PTPRK: variants seen among roughly 807,000 people sequenced by gnomAD.
PTPRK encodes protein tyrosine phosphatase receptor type K.
PTPRK carries 75 observed loss-of-function variants against 178.0 expected under a neutral mutation model. The observed-to-expected ratio is 0.42, with a 90% CI of 0.35 to 0.51. PTPRK has a LOEUF of 0.51. Ranked by LOEUF, PTPRK falls within the 20% of genes least tolerant of loss-of-function variation. The pLI is 0.02. For synonymous variants in PTPRK, 637 were observed against 620.6 expected (o/e 1.03, Z -0.39); for missense variants, 1,441 against 1,797.8 (o/e 0.80, Z 3.59).
chr6:128,520,217 A>G, intron 1 of PTPRK, 42 bp downstream of exon 1: 1 of 1,529,324 alleles, frequency 6.5e-7, no homozygotes, highest in Non-Finnish European at 8.9e-7. Flanking sequence ...TCGTGAGCCC[A>G]GGACTCCAGG....
intron 13 of PTPRK, among the ~76,000 whole-genome samples, chr6:128,058,191 G>A (rs1360010988): frequency 6.6e-6 from 1 of 152,136 alleles, no homozygotes; most frequent in East Asian, 1.9e-4. Flanking sequence ...CCCAGGAATG[G>A]AATTGTTGGG....
intron 2 of PTPRK, among the ~76,000 whole-genome samples, chr6:128,386,542 T>C (rs1838762703): frequency 6.6e-6 from 1 of 152,128 alleles, no homozygotes; most frequent in African/African-American, 2.4e-5. Flanking sequence ...CTAATGGAGA[T>C]GGTTATTTTG....
At chr6:128,224,339 C>T (rs1288766331) in intron 5 of PTPRK, among the ~76,000 whole-genome samples, 1 of 152,158 alleles carries the variant, frequency 6.6e-6, no homozygotes. Flanking sequence ...TCAATGTTAT[C>T]ACTCCTCTCC....
intron 7 of PTPRK, among the ~76,000 whole-genome samples, chr6:128,136,617 T>G (rs1199168209): frequency 6.6e-6 from 1 of 152,230 alleles, no homozygotes; most frequent in African/African-American, 2.4e-5. Flanking sequence ...TAGGTACCTG[T>G]CTGCAAAACA....
intron 2 of PTPRK, among the ~76,000 whole-genome samples, chr6:128,337,655 C>T (rs749612466): frequency 6.6e-6 from 1 of 152,178 alleles, no homozygotes; most frequent in Non-Finnish European, 1.5e-5. Flanking sequence ...CATTTCAGTA[C>T]TTTTCCTTCA....
intron 1 of PTPRK, among the ~76,000 whole-genome samples, chr6:128,508,291 C>T (rs1458298060): frequency 6.6e-6 from 1 of 152,094 alleles, no homozygotes; most frequent in Non-Finnish European, 1.5e-5. Flanking sequence ...CAAAACCTGG[C>T]ACAGCATGGG....
intron 13 of PTPRK, among the ~76,000 whole-genome samples, chr6:128,044,353 C>T (rs377504982): frequency 2.0e-5 from 3 of 152,128 alleles, no homozygotes; most frequent in African/African-American, 7.2e-5. Context: ...CTCCCTTAGT[C>T]TTAGCCACCA....
At chr6:128,214,544 C>CACTATTATTATTATT (rs1554349428) in intron 6 of PTPRK, among the ~76,000 whole-genome samples, 1 of 149,952 alleles carries the variant, frequency 6.7e-6, no homozygotes, top group East Asian at 2.0e-4. Context: ...ACCAGTGATG[C>CACTATTATTATTATT]ATTATTATTA....
intron 25 of PTPRK, 77 bp downstream of exon 25, chr6:127,981,039 A>G (rs1562376009): frequency 3.8e-6 from 5 of 1,310,128 alleles, no homozygotes; most frequent in Non-Finnish European, 4.1e-6. Context: ...TTCCTCGAAA[A>G]GAAAACTAGC....
In PTPRK at chr6:128,322,255, A is replaced by G. The variant is rs1452023556; in HGVS notation, c.279T>C (p.Leu93=). The change falls in exon 3 of 30, where the codon CTT becomes CTC. Residue 93 remains leucine, a synonymous_variant. Coordinates refer to ENST00000368226, the MANE Select transcript of PTPRK (RefSeq NM_002844.4). ...CGTTCTCCTTCATTGTAGGCAGCTG[A>G]AGTCTGGCTTTTTCTCCAGGGTCGT... is the stretch of plus-strand genomic sequence containing the variant. ...SDHDPGEKAR[L]QLPTMKENDT... is the part of the protein sequence containing the mutation. The G allele has an allele frequency of 1.9e-6, 3 of 1,611,464 alleles. No individual in the cohort carries two copies. Among genetic ancestry groups the G allele is most frequent in the Non-Finnish European group, 2.5e-6 (3 of 1,177,778 alleles).
Position 128,458,006 on chromosome 6 carries a change from C to T in PTPRK, c.101-60318G>A, listed in dbSNP as rs1403915567. 2.6e-5 allele frequency among the ~76,000 whole-genome samples: 4 copies of T among 152,220 alleles called. No individual in the cohort carries two copies. In the East Asian group the frequency reaches 7.7e-4, roughly 29 times the overall value. On this transcript the variant is annotated intron_variant, in intron 1 of 29. Transcript: ENST00000368226. ...TTTCCACATGTACTGCCCTCAAACA[C>T]CTTATACTGTCAAATATACAAATAG...
At chr6:128,285,688 C>T (rs1822383437) in intron 3 of PTPRK, among the ~76,000 whole-genome samples, 1 of 151,784 alleles carries the variant, frequency 6.6e-6, no homozygotes, top group African/African-American at 2.4e-5. Flanking sequence ...GCCTGCCGTC[C>T]CAGCTGCTTG....
At chr6:128,129,618 G>A (rs1166795303) in intron 7 of PTPRK, among the ~76,000 whole-genome samples, 2 of 152,098 alleles carry the variant, frequency 1.3e-5, no homozygotes, top group African/African-American at 2.4e-5. Context: ...TGAGATACAG[G>A]AGTCAAGCAA....
At position 128,327,783 on chromosome 6, in the gene PTPRK, G is replaced by T. The variant is rs78520463; in HGVS notation, c.224-5473C>A. Among the ~76,000 whole-genome samples the T allele has an allele frequency of 3.4e-3, 522 of 152,228 alleles. 2 individuals carry two copies. Among genetic ancestry groups the T allele is most frequent in the African/African-American group, 0.012 (498 of 41,534 alleles). On this transcript the variant is annotated intron_variant, in intron 2 of 29. Transcript: ENST00000368226. ...CCTATAAGAAGATAGAAACTTTAACGCTGTGAAGAAAACCTTAAAGAACAA... is the reference window on the plus strand; with the variant it reads ...CCTATAAGAAGATAGAAACTTTAACTCTGTGAAGAAAACCTTAAAGAACAA...
intron 2 of PTPRK, among the ~76,000 whole-genome samples, chr6:128,364,792 C>G (rs1287054938): frequency 6.6e-6 from 1 of 152,020 alleles, no homozygotes; most frequent in Non-Finnish European, 1.5e-5. Context: ...CACAACCTTT[C>G]TCCTGCACAC....
At chr6:128,348,893 C>G (rs923895823) in intron 2 of PTPRK, among the ~76,000 whole-genome samples, 2 of 151,828 alleles carry the variant, frequency 1.3e-5, no homozygotes, top group African/African-American at 4.8e-5. Flanking sequence ...ATGTAGGCAC[C>G]ACAGCATAGA....
At chr6:128,236,940 ATTGT>A (rs1281423299) in intron 5 of PTPRK, among the ~76,000 whole-genome samples, 1 of 150,710 alleles carries the variant, frequency 6.6e-6, no homozygotes, top group African/African-American at 2.4e-5. Flanking sequence ...CAGGCAATTC[ATTGT>A]TTGTGTTTTT....
At chr6:128,313,581 C>T (rs1258921951) in intron 3 of PTPRK, among the ~76,000 whole-genome samples, 1 of 151,952 alleles carries the variant, frequency 6.6e-6, no homozygotes, top group Admixed American at 6.6e-5. Flanking sequence ...TCAGGACATA[C>T]ATATATTACA....
chr6:128,503,957 C>T (rs576705293), intron 1 of PTPRK, among the ~76,000 whole-genome samples: 9 of 151,858 alleles, frequency 5.9e-5, no homozygotes, highest in African/African-American at 2.2e-4. Flanking sequence ...TGGAAATGCA[C>T]AAATCAATGG....
Sources: gnomAD v4.1 joint callset for allele counts (sites outside exome capture counted in the v4.1 genomes callset) on GRCh38, gnomAD v4.1.1 for gene constraint, MANE v1.5 for transcripts, NCBI Gene and HGNC (gene_info 2026-07-23, HGNC 2026-07-21) for gene names.